The following PLCG2 variants were observed in gnomAD, a reference collection of about 807,000 sequenced individuals.
PLCG2 encodes phospholipase C gamma 2.
In PLCG2, 69 loss-of-function variants were observed where a neutral mutation model predicts 175.6. The ratio of observed to expected loss-of-function variants is 0.39; its 90% CI spans 0.32 to 0.48. PLCG2 has a LOEUF of 0.48. Among genes scored for constraint, PLCG2 ranks in the 20% least tolerant of loss-of-function variants. The pLI, the probability that PLCG2 is intolerant of heterozygous loss-of-function variation, is 0.91. For synonymous variants in PLCG2, 827 were observed against 624.0 expected (o/e 1.33, Z -4.85); for missense variants, 1,798 against 1,650.9 (o/e 1.09, Z -1.54).
At chr16:81,851,662 G>GC (rs1250154465) in intron 2 of PLCG2, among the ~76,000 whole-genome samples, 12 of 152,324 alleles carry the variant, frequency 7.9e-5, no homozygotes, top group African/African-American at 2.2e-4. Context: ...ACTGGCCTGT[G>GC]CCACCAAGCC....
intron 22 of PLCG2, 72 bp from the exon 23 acceptor site, chr16:81,927,010 G>C (rs1910301433): frequency 1.1e-6 from 1 of 934,636 alleles, no homozygotes; most frequent in East Asian, 2.4e-5. Flanking sequence ...CAGCAGCCGG[G>C]TGCAGATGAG....
chr16:81,868,139 A>T (rs918443872), intron 5 of PLCG2, among the ~76,000 whole-genome samples: 1 of 152,174 alleles, frequency 6.6e-6, no homozygotes, highest in Admixed American at 6.5e-5. Flanking sequence ...TGAGTTGTGT[A>T]CCCATGTGAC....
At chr16:81,803,956 C>G (rs137980491) in intron 2 of PLCG2, among the ~76,000 whole-genome samples, 1 of 152,204 alleles carries the variant, frequency 6.6e-6, no homozygotes, top group Non-Finnish European at 1.5e-5. Context: ...GCTGGGATTA[C>G]AGGTATGAGC....
chr16:81,842,941 G>C (rs1489225228), intron 2 of PLCG2: 1 of 137,340 alleles, frequency 7.3e-6, no homozygotes, highest in Non-Finnish European at 1.6e-5. Context: ...GACTCTAGGA[G>C]ACTCAGTGTG....
At chr16:81,901,157 C>T (rs769655244) in intron 14 of PLCG2, among the ~76,000 whole-genome samples, 4 of 152,314 alleles carry the variant, frequency 2.6e-5, no homozygotes, top group African/African-American at 7.2e-5. Context: ...TCGGAGACAG[C>T]CCCATGCGAG....
chr16:81,791,461 G>T (rs1452373852), intron 2 of PLCG2, among the ~76,000 whole-genome samples: 1 of 152,196 alleles, frequency 6.6e-6, no homozygotes, highest in Non-Finnish European at 1.5e-5. Context: ...TTGTAGCCTG[G>T]ACTGAGGTCA....
chr16:81,900,523 G>C (rs370195947), intron 13 of PLCG2, 89 bp from the exon 14 acceptor site: 7 of 1,239,256 alleles, frequency 5.6e-6, no homozygotes, highest in Admixed American at 2.8e-5. Flanking sequence ...GGTTTCTGTC[G>C]TCCCAGGGAG....
intron 2 of PLCG2, among the ~76,000 whole-genome samples, chr16:81,770,894 TA>T (rs925504726): frequency 6.6e-6 from 1 of 151,160 alleles, no homozygotes; most frequent in African/African-American, 2.4e-5. Flanking sequence ...CCATCTCTAC[TA>T]AAAAAACAAA....
At chr16:81,843,604 G>T (rs370035331) in intron 2 of PLCG2, among the ~76,000 whole-genome samples, 1 of 152,168 alleles carries the variant, frequency 6.6e-6, no homozygotes, top group Non-Finnish European at 1.5e-5. Flanking sequence ...CAATTTTTGG[G>T]TGCTTTGATG....
At chr16:81,868,749 A>G (rs949271446) in intron 5 of PLCG2, among the ~76,000 whole-genome samples, 1 of 152,246 alleles carries the variant, frequency 6.6e-6, no homozygotes, top group Non-Finnish European at 1.5e-5. Context: ...TTATCTGGTC[A>G]TTTGACATCA....
In PLCG2 at chr16:81,897,728, A is replaced by G. The variant is rs1034030974; in HGVS notation, c.1193+1801A>G. 1.2e-4 allele frequency: 48 copies of G among 389,646 alleles called. 1 individual carries two copies. Among genetic ancestry groups the G allele is most frequent in the South Asian group, 5.5e-4 (30 of 54,728 alleles). The allele number at this position is 389,646 out of a possible 1,614,324, so 24.1% of individuals were successfully genotyped here. ...GCCCGGCTAATTTGTGTATTTTGGT[A>G]GAGATAGGGTTTCACTATGTTGGCC... On this transcript the variant is annotated intron_variant, in intron 13 of 32. Transcript: ENST00000564138.
upstream of PLCG2, among the ~76,000 whole-genome samples, chr16:81,776,101 T>TTTTCTTTCTTTC (rs770091973): frequency 5.4e-5 from 3 of 55,308 alleles, no homozygotes; most frequent in Non-Finnish European, 8.2e-5. Context: ...TTCTTTCTTT[T>TTTTCTTTCTTTC]TTTCCTTCTT....
chr16:81,957,824 C>G, intron 32 of PLCG2, 132 bp from the exon 33 acceptor site: 1 of 742,546 alleles, frequency 1.3e-6, no homozygotes, highest in Non-Finnish European at 2.3e-6. Context: ...GAGTCTGCCT[C>G]TCTGACACTC....
intron 30 of PLCG2, among the ~76,000 whole-genome samples, chr16:81,944,557 TG>T (rs1303702240): frequency 1.3e-5 from 2 of 152,158 alleles, no homozygotes; most frequent in African/African-American, 4.8e-5. Context: ...CTCAGACTCC[TG>T]GGCTCAAGCA....
chr16:81,956,296 A>G (rs16956096), intron 31 of PLCG2, among the ~76,000 whole-genome samples: 18,625 of 152,018 alleles, frequency 0.12, 1,588 homozygotes, highest in African/African-American at 0.24. Context: ...TTCTCATGTC[A>G]TGCTGTTTTT....
At chr16:81,894,055 CTG>C (rs1017585312) in intron 12 of PLCG2, among the ~76,000 whole-genome samples, 3 of 151,144 alleles carry the variant, frequency 2.0e-5, no homozygotes, top group African/African-American at 7.3e-5. Flanking sequence ...CAGACACCCG[CTG>C]TGTTTTGGCA....
intron 2 of PLCG2, among the ~76,000 whole-genome samples, chr16:81,815,573 G>GTTC (rs998471629): frequency 1.3e-5 from 2 of 152,184 alleles, no homozygotes; most frequent in African/African-American, 4.8e-5. Flanking sequence ...TTGTTCTGAA[G>GTTC]TTCTCCTGGC....
intron 1 of PLCG2, among the ~76,000 whole-genome samples, chr16:81,744,357 G>T (rs1909662088): frequency 6.6e-6 from 1 of 151,472 alleles, no homozygotes; most frequent in Admixed American, 6.6e-5. Flanking sequence ...TAGAGACGGG[G>T]TTTCACCATA....
chr16:81,902,566 T>G (rs4889437), intron 14 of PLCG2, among the ~76,000 whole-genome samples: 2 of 151,766 alleles, frequency 1.3e-5, no homozygotes, highest in East Asian at 3.9e-4. Context: ...ATTCCCATTG[T>G]TGAGAGCTCT....
Sources: allele counts gnomAD v4.1 joint callset (sites outside exome capture counted in the v4.1 genomes callset), GRCh38; gene constraint gnomAD v4.1.1; transcripts MANE v1.5; gene names NCBI Gene and HGNC (gene_info 2026-07-23, HGNC 2026-07-21).